The following ERC2 variants were observed in gnomAD, a reference collection of about 807,000 sequenced individuals.
ERC2 encodes the protein ELKS/RAB6-interacting/CAST family member 2.
Under a neutral mutation model 114.8 loss-of-function variants are expected in ERC2, and 42 were observed. The ratio of observed to expected loss-of-function variants is 0.37; its 90% CI spans 0.29 to 0.47. ERC2 has a LOEUF of 0.47. Ranked by LOEUF, ERC2 falls within the 20% of genes least tolerant of loss-of-function variation. The pLI, the probability that ERC2 is intolerant of heterozygous loss-of-function variation, is 0.99. For missense variants in ERC2, 939 were observed against 1,150.7 expected (o/e 0.82, Z 2.66); for synonymous variants, 454 against 425.5 (o/e 1.07, Z -0.82).
intron 1 of ERC2, among the ~76,000 whole-genome samples, chr3:56,459,365 A>T (rs2063207649): frequency 6.6e-6 from 1 of 152,210 alleles, no homozygotes; most frequent in Non-Finnish European, 1.5e-5. Flanking sequence ...TTGTCTTCTG[A>T]CCCACTAAGA....
intron 15 of ERC2, among the ~76,000 whole-genome samples, chr3:55,718,509 T>C (rs2064257996): frequency 6.6e-6 from 1 of 152,226 alleles, no homozygotes. Flanking sequence ...AAGTATATTT[T>C]CTGGACCAAA....
At chr3:56,364,279 C>T (rs4974136) in intron 2 of ERC2, among the ~76,000 whole-genome samples, 50,504 of 151,786 alleles carry the variant, frequency 0.33, 8,540 homozygotes, top group African/African-American at 0.36. Context: ...AGAGAGCTCC[C>T]GTATGCGGTG....
At chr3:55,822,738 C>T (rs1443775928) in intron 14 of ERC2, among the ~76,000 whole-genome samples, 1 of 150,594 alleles carries the variant, frequency 6.6e-6, no homozygotes, top group Admixed American at 6.6e-5. Context: ...CTCAGCCTCC[C>T]GAGTAGCTGG....
intron 17 of ERC2, among the ~76,000 whole-genome samples, chr3:55,577,812 G>T (rs577049086): frequency 1.1e-4 from 16 of 152,148 alleles, no homozygotes; most frequent in Admixed American, 2.6e-4. Flanking sequence ...TGCGAAAGAA[G>T]AAGGGCACCT....
chr3:56,216,544 A>G (rs1444881023), intron 3 of ERC2, among the ~76,000 whole-genome samples: 4 of 152,238 alleles, frequency 2.6e-5, no homozygotes, highest in African/African-American at 4.8e-5. Context: ...ACAGATTCAC[A>G]GCCGAATTCT....
In ERC2 at chr3:56,189,567, T is replaced by C. The variant is rs970965842; in HGVS notation, c.1075-16047A>G. On this transcript the variant is annotated intron_variant, in intron 3 of 17. Transcript: ENST00000288221. ...ATGTTCCTGAATCAGAAATGGTGTG[T>C]CCATACATGTGTGGGACAAAGTAAG... Among the ~76,000 whole-genome samples, 5 of 152,290 alleles carry C rather than the reference T, an allele frequency of 3.3e-5. No individual in the cohort carries two copies. The South Asian group carries it at 8.3e-4, about 25-fold the overall frequency.
intron 14 of ERC2, among the ~76,000 whole-genome samples, chr3:55,877,682 T>C (rs1230136255): frequency 6.6e-6 from 1 of 151,788 alleles, no homozygotes; most frequent in East Asian, 1.9e-4. Context: ...TGGCTAACTT[T>C]TTGTATTTTT....
intron 6 of ERC2, among the ~76,000 whole-genome samples, chr3:56,127,548 C>G (rs1260902612): frequency 6.6e-6 from 1 of 151,930 alleles, no homozygotes; most frequent in Non-Finnish European, 1.5e-5. Flanking sequence ...CCCAATATGG[C>G]AAAACCCTGT....
intron 14 of ERC2, among the ~76,000 whole-genome samples, chr3:55,737,041 G>A (rs1481815852): frequency 2.0e-5 from 3 of 152,060 alleles, no homozygotes; most frequent in Non-Finnish European, 2.9e-5. Flanking sequence ...AACTTCCCTC[G>A]CACACAAGGC....
chr3:55,707,954 C>T (rs545796192), intron 15 of ERC2, among the ~76,000 whole-genome samples: 4 of 152,206 alleles, frequency 2.6e-5, no homozygotes, highest in Non-Finnish European at 5.9e-5. Context: ...ACTGGTAGAT[C>T]TGAGGCTCTG....
chr3:56,124,557 G>T (rs1171349532), intron 6 of ERC2, among the ~76,000 whole-genome samples: 1 of 152,096 alleles, frequency 6.6e-6, no homozygotes, highest in African/African-American at 2.4e-5. Context: ...CACACTTACA[G>T]TAGCTGAAAG....
chr3:56,276,475 A>C (rs2054003572), intron 3 of ERC2, among the ~76,000 whole-genome samples: 1 of 146,276 alleles, frequency 6.8e-6, no homozygotes, highest in South Asian at 2.1e-4. Flanking sequence ...AAAAAAAAAA[A>C]AACAAACTCA....
rs912312784 is a variant in ERC2, at chr3:56,123,446, GA to G, written c.1473+16062del. Among the ~76,000 whole-genome samples the G allele has an allele frequency of 5.6e-3, 828 of 146,938 alleles. 9 individuals are homozygous for G. The highest frequency in any genetic ancestry group is 0.019 in the African/African-American group (768 of 40,230). Reference sequence around the variant, plus strand: ...ACTTCCCAGCCTCCAAAACTGTGAGGAAAAAAAAAAATTCTTGCTTCTAAGC... The same window carrying G: ...ACTTCCCAGCCTCCAAAACTGTGAGGAAAAAAAAAATTCTTGCTTCTAAGC... On this transcript the variant is annotated intron_variant, in intron 6 of 17. Coordinates refer to ENST00000288221, the MANE Select transcript of ERC2 (RefSeq NM_015576.3).
intron 14 of ERC2, among the ~76,000 whole-genome samples, chr3:55,781,734 A>C (rs9311580): frequency 0.26 from 38,828 of 151,530 alleles, 5,699 homozygotes; most frequent in African/African-American, 0.39. Flanking sequence ...TAGCTGGGTG[A>C]TGTGGCCGGC....
At chr3:55,902,018 A>G (rs1282805356) in intron 13 of ERC2, among the ~76,000 whole-genome samples, 1 of 152,226 alleles carries the variant, frequency 6.6e-6, no homozygotes, top group Non-Finnish European at 1.5e-5. Context: ...ACACAGACAC[A>G]TGCATTTTAA....
chr3:56,444,106 C>A (rs965188387), intron 1 of ERC2, among the ~76,000 whole-genome samples: 4 of 151,138 alleles, frequency 2.6e-5, no homozygotes, highest in South Asian at 2.1e-4. Context: ...GGGACCAAGG[C>A]GCCCACCACC....
At chr3:56,404,581 T>C (rs1452835454) in intron 2 of ERC2, among the ~76,000 whole-genome samples, 4 of 152,182 alleles carry the variant, frequency 2.6e-5, no homozygotes, top group African/African-American at 7.2e-5. Context: ...TATAATTAGA[T>C]TGTAACACAA....
chr3:56,443,958 A>ATTTTTTTTTTTTTTTTTTT (rs11343406), intron 1 of ERC2, among the ~76,000 whole-genome samples: 4 of 80,238 alleles, frequency 5.0e-5, no homozygotes, highest in Non-Finnish European at 6.6e-5. Context: ...AATACCTACA[A>ATTTTTTTTTTTTTTTTTTT]TTTTTTTTTT....
intron 2 of ERC2, among the ~76,000 whole-genome samples, chr3:56,311,563 T>C (rs1338954989): frequency 6.6e-6 from 1 of 151,920 alleles, no homozygotes; most frequent in Non-Finnish European, 1.5e-5. Flanking sequence ...CCTTCTAAAG[T>C]GATGGGATTA....
Sources: gnomAD v4.1 joint callset for allele counts (sites outside exome capture counted in the v4.1 genomes callset) on GRCh38, gnomAD v4.1.1 for gene constraint, MANE v1.5 for transcripts, NCBI Gene and HGNC (gene_info 2026-07-23, HGNC 2026-07-21) for gene names.